Variants in ITPRID1 observed in about 807,000 individuals in gnomAD.
The protein encoded by ITPRID1 is protein ITPRID1.
Under a neutral mutation model 95.4 loss-of-function variants are expected in ITPRID1, and 96 were observed. That is an observed-to-expected ratio of 1.01 (90% CI 0.85 to 1.19). The LOEUF (loss-of-function observed/expected upper bound fraction) is 1.19, where lower values mean the gene tolerates loss of function less well. ITPRID1 is among the 50% of genes most tolerant of loss of function. The pLI is 0.00. For synonymous variants in ITPRID1, 510 were observed against 453.6 expected (o/e 1.12, Z -1.58); for missense variants, 1,339 against 1,252.9 (o/e 1.07, Z -1.04).
Position 31,554,506 on chromosome 7 carries a change from G to T in ITPRID1, c.195G>T (p.Trp65Cys). 1 of 1,612,954 alleles carries T rather than the reference G, an allele frequency of 6.2e-7. No homozygotes were observed. The highest frequency in any genetic ancestry group is 8.5e-7 in the Non-Finnish European group (1 of 1,179,404). ...EDSKQESIQQ[W>C]LDSGFFVSAN... ...CCAAGCAAGAAAGTATTCAGCAGTG[G>T]CTGGACTCTGGATTCTTGTAAGTGT... Residue 65 changes from tryptophan (W) to cysteine (C), a missense_variant, in exon 4 of 15, where the codon TGG becomes TGT. By Grantham distance (215) the Trp-to-Cys change is radical. Coordinates refer to ENST00000615280, the MANE Select transcript of ITPRID1 (RefSeq NM_001257967.3).
intron 10 of ITPRID1, among the ~76,000 whole-genome samples, chr7:31,614,519 A>G (rs1013975082): frequency 6.6e-6 from 1 of 152,198 alleles, no homozygotes; most frequent in African/African-American, 2.4e-5. Context: ...GACACTTAAT[A>G]GGTATATATA....
Position 31,553,082 on chromosome 7 carries a change from A to G in ITPRID1, c.58A>G (p.Lys20Glu). 6.2e-7 allele frequency: 1 copy of G among 1,608,106 alleles called. No individual in the cohort carries two copies. The highest frequency in any genetic ancestry group is 8.5e-7 in the Non-Finnish European group (1 of 1,177,136). The change falls in exon 3 of 15, where the codon AAG (lysine) becomes GAG (glutamate). Residue 20 changes from lysine to glutamate, a missense_variant. Physicochemically the swap from Lys to Glu is moderately conservative, Grantham distance 56. Coordinates refer to ENST00000615280, the MANE Select transcript of ITPRID1 (RefSeq NM_001257967.3). Reference sequence around the variant, plus strand: ...CCTTCAGGAAGGCCAGGAAAAGAGCAAGAGAGAGATCCTGAAGTGCACCAA... The same window carrying G: ...CCTTCAGGAAGGCCAGGAAAAGAGCGAGAGAGAGATCCTGAAGTGCACCAA... ...DNLQEGQEKS[K>E]REILKCTKSA...
At chr7:31,570,384 T>C (rs1323071505) in intron 6 of ITPRID1, among the ~76,000 whole-genome samples, 1 of 152,150 alleles carries the variant, frequency 6.6e-6, no homozygotes, top group East Asian at 1.9e-4. Context: ...TTTGTGCATG[T>C]CCTTCAGATG....
intron 10 of ITPRID1, among the ~76,000 whole-genome samples, chr7:31,628,776 A>G (rs1169088585): frequency 6.6e-6 from 1 of 152,082 alleles, no homozygotes; most frequent in African/African-American, 2.4e-5. Context: ...TCTTGATGGA[A>G]ACTTTAGTTC....
At chr7:31,517,126 G>C (rs1370415095) in intron 1 of ITPRID1, among the ~76,000 whole-genome samples, 2 of 152,216 alleles carry the variant, frequency 1.3e-5, no homozygotes, top group Non-Finnish European at 2.9e-5. Context: ...AAACCTAGCA[G>C]ATTTCAGGTT....
intron 8 of ITPRID1, among the ~76,000 whole-genome samples, chr7:31,576,142 G>A (rs1394163988): frequency 1.3e-5 from 2 of 152,170 alleles, no homozygotes; most frequent in Non-Finnish European, 2.9e-5. Flanking sequence ...GTTGGCCCCT[G>A]ATTTTGTGAT....
chr7:31,634,967 G>A (rs1789347114), intron 10 of ITPRID1, among the ~76,000 whole-genome samples: 1 of 152,186 alleles, frequency 6.6e-6, no homozygotes, highest in Non-Finnish European at 1.5e-5. Flanking sequence ...AAGGAACTGG[G>A]TGGGGTGGGA....
At chr7:31,621,654 G>A (rs951199786) in intron 10 of ITPRID1, among the ~76,000 whole-genome samples, 2 of 148,070 alleles carry the variant, frequency 1.4e-5, no homozygotes, top group African/African-American at 5.0e-5. Flanking sequence ...GCAAAATCAT[G>A]CCAAAATGTA....
intron 10 of ITPRID1, among the ~76,000 whole-genome samples, chr7:31,617,596 C>T (rs1281728235): frequency 6.6e-6 from 1 of 152,024 alleles, no homozygotes; most frequent in Non-Finnish European, 1.5e-5. Context: ...CCATTAACAG[C>T]AGCTCTTTAG....
At chr7:31,586,624 T>A (rs2128151611) in intron 10 of ITPRID1, among the ~76,000 whole-genome samples, 1 of 152,330 alleles carries the variant, frequency 6.6e-6, no homozygotes, top group South Asian at 2.1e-4. Flanking sequence ...GTTTTTTGGC[T>A]GTATAAATGT....
intron 13 of ITPRID1, 107 bp from the exon 14 acceptor site, chr7:31,651,832 C>G (rs920469800): frequency 3.0e-6 from 2 of 656,476 alleles, no homozygotes; most frequent in African/African-American, 1.9e-5. Context: ...AGATGACATT[C>G]TCTTTTAAGA....
intron 12 of ITPRID1, among the ~76,000 whole-genome samples, chr7:31,646,796 T>C (rs1374971632): frequency 6.6e-6 from 1 of 152,160 alleles, no homozygotes. Context: ...TTTGAATGGG[T>C]GTGAGGGCCA....
chr7:31,594,683 C>T (rs1405069922), intron 10 of ITPRID1, among the ~76,000 whole-genome samples: 4 of 151,852 alleles, frequency 2.6e-5, no homozygotes, highest in Non-Finnish European at 5.9e-5. Flanking sequence ...ATGGTGAAAC[C>T]CCATCTCTAC....
intron 10 of ITPRID1, among the ~76,000 whole-genome samples, chr7:31,608,124 C>T (rs1786706838): frequency 6.6e-6 from 1 of 151,936 alleles, no homozygotes; most frequent in African/African-American, 2.4e-5. Flanking sequence ...TCATTTGTTC[C>T]TCCATTGAAT....
At chr7:31,588,749 A>G (rs993258084) in intron 10 of ITPRID1, among the ~76,000 whole-genome samples, 2 of 152,072 alleles carry the variant, frequency 1.3e-5, no homozygotes. Context: ...CCAAGGAGGA[A>G]AATCTCCAAA....
intron 10 of ITPRID1, among the ~76,000 whole-genome samples, chr7:31,637,530 G>A (rs1406152617): frequency 6.6e-6 from 1 of 152,166 alleles, no homozygotes; most frequent in Admixed American, 6.5e-5. Flanking sequence ...CTGCATTAAT[G>A]TCTTCTTTTG....
intron 10 of ITPRID1, among the ~76,000 whole-genome samples, chr7:31,595,660 A>G (rs1387840966): frequency 6.6e-6 from 1 of 152,180 alleles, no homozygotes; most frequent in Non-Finnish European, 1.5e-5. Context: ...TTTATTATCA[A>G]AGCAGAAAAA....
intron 5 of ITPRID1, among the ~76,000 whole-genome samples, chr7:31,557,183 A>T (rs1295357505): frequency 6.6e-6 from 1 of 152,150 alleles, no homozygotes; most frequent in Admixed American, 6.5e-5. Context: ...ACATTCTGAG[A>T]TTCCAGGTGG....
chr7:31,650,520 T>C (rs546406885), intron 12 of ITPRID1, among the ~76,000 whole-genome samples: 3 of 152,232 alleles, frequency 2.0e-5, no homozygotes, highest in African/African-American at 7.2e-5. Context: ...ATTAAAAGCG[T>C]AGACAAAGTT....
Sources: allele counts gnomAD v4.1 joint callset (sites outside exome capture counted in the v4.1 genomes callset), GRCh38; gene constraint gnomAD v4.1.1; transcripts MANE v1.5; gene names NCBI Gene and HGNC (gene_info 2026-07-23, HGNC 2026-07-21).